MTA3: variants seen among roughly 807,000 people sequenced by gnomAD.
MTA3 encodes metastasis associated 1 family member 3.
In MTA3, 34 loss-of-function variants were observed where a neutral mutation model predicts 83.5. That is an observed-to-expected ratio of 0.41 (90% CI 0.31 to 0.54). The LOEUF (loss-of-function observed/expected upper bound fraction) is 0.54. Ranked by LOEUF, MTA3 falls within the 20% of genes least tolerant of loss-of-function variation. The pLI is 0.33. For synonymous variants in MTA3, 303 were observed against 252.7 expected (o/e 1.20, Z -1.89); for missense variants, 761 against 726.4 (o/e 1.05, Z -0.55).
intron 2 of MTA3, among the ~76,000 whole-genome samples, chr2:42,498,889 A>G (rs1251361240): frequency 1.3e-5 from 2 of 152,140 alleles, no homozygotes; most frequent in African/African-American, 4.8e-5. Context: ...ACCCATCAGT[A>G]ACTTGGTTTC....
intron 2 of MTA3, among the ~76,000 whole-genome samples, chr2:42,531,445 C>CTTTTTTTTTTTTT (rs10659582): frequency 8.0e-5 from 6 of 75,354 alleles, no homozygotes; most frequent in Non-Finnish European, 6.9e-5. Flanking sequence ...GAAGCAAACT[C>CTTTTTTTTTTTTT]TTTTTTTTTT....
In MTA3 at chr2:42,755,755, T is replaced by TCA. The variant is rs1160815248; in HGVS notation, c.*2357_*2358dup. On this transcript the variant is annotated 3_prime_UTR_variant, in exon 17 of 17. Coordinates refer to ENST00000405094, the MANE Select transcript of MTA3 (RefSeq NM_001330442.2). ...GGGGCCATGGTGTCCCTGCTGTGTG[T>TCA]CAGTGGCATGTCACTGTGGTTCAGT... The TCA allele has an allele frequency of 3.0e-6, 3 of 985,500 alleles. No homozygotes were observed. The African/African-American group carries it at 5.2e-5, about 17-fold the overall frequency. 61.0% of individuals were successfully genotyped at this position (985,500 alleles called of 1,614,324 possible).
At chr2:42,659,895 A>T in intron 8 of MTA3, 33 bp downstream of exon 8, 2 of 1,521,068 alleles carry the variant, frequency 1.3e-6, no homozygotes, top group Non-Finnish European at 1.8e-6. Flanking sequence ...GTGGGTATTT[A>T]TCCTTCTGTT....
intron 4 of MTA3, among the ~76,000 whole-genome samples, chr2:42,625,688 A>C (rs1203334161): frequency 2.7e-5 from 4 of 147,518 alleles, no homozygotes; most frequent in South Asian, 2.2e-4. Context: ...CGGAGGTTGC[A>C]GTGAACCGAG....
rs2104618187 is a variant in MTA3, at chr2:42,756,771, T to A, written c.*3372T>A. On this transcript the variant is annotated 3_prime_UTR_variant, in exon 17 of 17. Transcript: ENST00000405094. ...CCACCCCTCCTGTTCCTCTGCACTA[T>A]GTCTCTGATTTTCCCTGCCAGGGAA... 1.0e-6 allele frequency: 1 copy of A among 985,364 alleles called. No individual in the cohort carries two copies. The highest frequency in any genetic ancestry group is 1.1e-4 in the East Asian group (1 of 8,828). 61.0% of individuals were successfully genotyped at this position (985,364 alleles called of 1,614,324 possible). A position where few individuals can be genotyped will look rare whatever the true frequency, so the allele number is the denominator to read the frequency against.
intron 5 of MTA3, among the ~76,000 whole-genome samples, chr2:42,642,042 A>C (rs1687745268): frequency 6.6e-6 from 1 of 152,098 alleles, no homozygotes. Context: ...TTAAAAATAA[A>C]ATATTGAGAT....
At chr2:42,711,378 A>G (rs568543610) in intron 14 of MTA3, among the ~76,000 whole-genome samples, 7 of 152,172 alleles carry the variant, frequency 4.6e-5, no homozygotes, top group Non-Finnish European at 1.0e-4. Context: ...GATCATAATT[A>G]AGTTACCTGT....
intron 4 of MTA3, among the ~76,000 whole-genome samples, chr2:42,639,327 G>T (rs370672415): frequency 6.6e-6 from 1 of 151,908 alleles, no homozygotes; most frequent in Non-Finnish European, 1.5e-5. Context: ...ATGATCTTAC[G>T]ACATTTTAAA....
intron 2 of MTA3, among the ~76,000 whole-genome samples, chr2:42,538,380 G>C (rs1676351361): frequency 6.6e-6 from 1 of 152,038 alleles, no homozygotes. Flanking sequence ...CTGTAGATTT[G>C]AGCTTTTTTA....
intron 4 of MTA3, chr2:42,614,039 G>A (rs772650850): frequency 6.6e-6 from 1 of 152,166 alleles, no homozygotes; most frequent in Non-Finnish European, 1.5e-5. Context: ...GATATCATAT[G>A]TATTTATTTT....
Position 42,754,528 on chromosome 2 carries a change from G to C in MTA3, c.*1129G>C. 2.0e-6 allele frequency: 2 copies of C among 985,104 alleles called. No homozygotes were observed. Among genetic ancestry groups the C allele is most frequent in the Non-Finnish European group, 2.4e-6 (2 of 829,974 alleles). 61.0% of individuals were successfully genotyped at this position (985,104 alleles called of 1,614,324 possible). ...GTTGGCCACTCAGCTGTGCTGAGTAGCTGTGCTACTTGTGCTGGCAGCTGC... is the reference window on the plus strand; with the variant it reads ...GTTGGCCACTCAGCTGTGCTGAGTACCTGTGCTACTTGTGCTGGCAGCTGC... On this transcript the variant is annotated 3_prime_UTR_variant, in exon 17 of 17. Transcript: ENST00000405094.
intron 9 of MTA3, among the ~76,000 whole-genome samples, chr2:42,693,843 T>C (rs1454761961): frequency 2.0e-5 from 3 of 152,122 alleles, no homozygotes; most frequent in African/African-American, 7.2e-5. Context: ...CACCTATAGC[T>C]GGGAATGTGC....
At position 42,682,665 on chromosome 2, in the gene MTA3, G is replaced by C. The variant is rs1168815371; in HGVS notation, c.891+76G>C. On this transcript the variant is annotated intron_variant, in intron 9 of 16. Coordinates refer to ENST00000405094, the MANE Select transcript of MTA3 (RefSeq NM_001330442.2). The stretch of plus-strand genomic sequence containing the variant: ...TTTTAGAAATCTGGTAAACCTTACA[G>C]TATTCATTTAGCAAGTTTGTGAGTT... The C allele has an allele frequency of 2.0e-5, 26 of 1,322,514 alleles. No homozygotes were observed. In the East Asian group the frequency reaches 6.3e-4, roughly 32 times the overall value. 81.9% of individuals were successfully genotyped at this position (1,322,514 alleles called of 1,614,324 possible). A position where few individuals can be genotyped will look rare whatever the true frequency, so the allele number is the denominator to read the frequency against.
At chr2:42,593,950 AGTTTTTTT>A (rs1174637006) in intron 3 of MTA3, among the ~76,000 whole-genome samples, 26 of 99,314 alleles carry the variant, frequency 2.6e-4, no homozygotes, top group African/African-American at 1.1e-3. Flanking sequence ...TATAGGATTA[AGTTTTTTT>A]TTTTTTTTTT....
At chr2:42,611,520 T>C (rs957680804) in intron 4 of MTA3, among the ~76,000 whole-genome samples, 1 of 152,100 alleles carries the variant, frequency 6.6e-6, no homozygotes, top group Non-Finnish European at 1.5e-5. Context: ...CATGTCATTG[T>C]TTTTATTTGG....
At chr2:42,553,804 G>A (rs1211121898) in intron 2 of MTA3, among the ~76,000 whole-genome samples, 20 of 136,540 alleles carry the variant, frequency 1.5e-4, no homozygotes, top group Non-Finnish European at 2.1e-4. Flanking sequence ...TTTGAAATGA[G>A]TACCTGAAAT....
At chr2:42,523,428 C>T (rs535197519) in intron 2 of MTA3, among the ~76,000 whole-genome samples, 7 of 152,142 alleles carry the variant, frequency 4.6e-5, no homozygotes, top group Non-Finnish European at 7.4e-5. Flanking sequence ...GCTGCTGGAG[C>T]CTGAATAAGG....
chr2:42,637,265 G>T (rs1687290500), intron 4 of MTA3, among the ~76,000 whole-genome samples: 1 of 152,132 alleles, frequency 6.6e-6, no homozygotes, highest in Admixed American at 6.5e-5. Context: ...GATTATATGG[G>T]CCTGGAGTGA....
intron 2 of MTA3, among the ~76,000 whole-genome samples, chr2:42,532,190 C>A (rs1676011922): frequency 1.3e-5 from 2 of 152,204 alleles, no homozygotes; most frequent in South Asian, 4.1e-4. Flanking sequence ...GGACTATCTT[C>A]AAACAAGTAC....
Sources: gnomAD v4.1 joint callset for allele counts (sites outside exome capture counted in the v4.1 genomes callset) on GRCh38, gnomAD v4.1.1 for gene constraint, MANE v1.5 for transcripts, NCBI Gene and HGNC (gene_info 2026-07-23, HGNC 2026-07-21) for gene names.